PLCZ1: variants seen among roughly 807,000 people sequenced by gnomAD.
PLCZ1 encodes phospholipase C zeta 1.
A neutral mutation model predicts 76.8 loss-of-function variants in PLCZ1; 64 were observed. The observed-to-expected ratio is 0.83, with a 90% CI of 0.68 to 1.03. The LOEUF is 1.03. PLCZ1 is among the 50% of genes least tolerant of loss of function. PLCZ1 has a pLI of 0.00. For synonymous variants in PLCZ1, 248 were observed against 230.8 expected (o/e 1.07, Z -0.68); for missense variants, 751 against 713.7 (o/e 1.05, Z -0.60).
At chr12:18,678,784 A>T (rs1477350066), downstream of PLCZ1, among the ~76,000 whole-genome samples, 1 of 152,048 alleles carries the variant, frequency 6.6e-6, no homozygotes, top group Non-Finnish European at 1.5e-5. Context: ...GGGTTATTAT[A>T]AAAAATCCTT....
the PLCZ1 span, among the ~76,000 whole-genome samples, chr12:18,652,563 A>G: frequency 2.6e-5 from 4 of 152,096 alleles, no homozygotes; most frequent in African/African-American, 7.2e-5. Flanking sequence ...GGTCCTAGCT[A>G]ACTAATATAT....
chr12:18,737,266 A>T, intron 2 of PLCZ1, 95 bp downstream of exon 2: 4 of 1,376,540 alleles, frequency 2.9e-6, no homozygotes, highest in Non-Finnish European at 3.1e-6. Context: ...AAGAGGACTT[A>T]AATTCAGAAC....
chr12:18,731,772 G>A (rs1056480930), intron 3 of PLCZ1, among the ~76,000 whole-genome samples: 1 of 151,848 alleles, frequency 6.6e-6, no homozygotes, highest in African/African-American at 2.4e-5. Context: ...TAGCTTTCTT[G>A]CCTCATTCTC....
At chr12:18,685,106 C>T (rs534662336) in intron 13 of PLCZ1, among the ~76,000 whole-genome samples, 1 of 152,062 alleles carries the variant, frequency 6.6e-6, no homozygotes, top group Admixed American at 6.6e-5. Context: ...TGGACTAATA[C>T]AGTCAGTCTT....
intron 10 of PLCZ1, among the ~76,000 whole-genome samples, chr12:18,696,927 TACA>T (rs1267745644): frequency 3.7e-4 from 57 of 152,286 alleles, no homozygotes; most frequent in African/African-American, 1.3e-3. Flanking sequence ...ATTTGTAGTA[TACA>T]CACAAACAGG....
At chr12:18,730,410 T>C (rs569776481) in intron 3 of PLCZ1, among the ~76,000 whole-genome samples, 1 of 152,252 alleles carries the variant, frequency 6.6e-6, no homozygotes, top group Non-Finnish European at 1.5e-5. Context: ...AGTTTTAAAT[T>C]AGTGGTTCTA....
At chr12:18,663,350 T>G in the PLCZ1 span, among the ~76,000 whole-genome samples, 1 of 152,134 alleles carries the variant, frequency 6.6e-6, no homozygotes, top group Admixed American at 6.6e-5. Flanking sequence ...ACTGTTAGAA[T>G]TAATTAATTT....
At chr12:18,704,001 TA>T (rs1956266123) in intron 7 of PLCZ1, among the ~76,000 whole-genome samples, 2 of 152,204 alleles carry the variant, frequency 1.3e-5, no homozygotes, top group African/African-American at 2.4e-5. Flanking sequence ...AGTTTATTTG[TA>T]ATCTGATAAA....
At chr12:18,724,555 C>T (rs1958639939) in intron 3 of PLCZ1, among the ~76,000 whole-genome samples, 1 of 152,044 alleles carries the variant, frequency 6.6e-6, no homozygotes, top group Non-Finnish European at 1.5e-5. Flanking sequence ...ATGGTGGGAT[C>T]TGTGGTTGTC....
the PLCZ1 span, among the ~76,000 whole-genome samples, chr12:18,661,842 G>A: frequency 6.6e-6 from 1 of 152,036 alleles, no homozygotes. Flanking sequence ...ATTCACAATA[G>A]CAAAGACAAT....
intron 12 of PLCZ1, chr12:18,693,345 T>A (rs1228363356): frequency 6.3e-7 from 1 of 1,582,330 alleles, no homozygotes; most frequent in Non-Finnish European, 8.7e-7. Context: ...TACTGGGGGG[T>A]TGGACAACCA....
chr12:18,714,306 C>T (rs2137449041), intron 5 of PLCZ1, among the ~76,000 whole-genome samples: 1 of 152,250 alleles, frequency 6.6e-6, no homozygotes, highest in East Asian at 1.9e-4. Flanking sequence ...ATGTGCCAAC[C>T]ACAGACAGGG....
chr12:18,669,341 G>A, the PLCZ1 span, among the ~76,000 whole-genome samples: 1 of 152,076 alleles, frequency 6.6e-6, no homozygotes, highest in Non-Finnish European at 1.5e-5. Flanking sequence ...TATGTAGCAG[G>A]CACCACAGTA....
chr12:18,709,104 G>A (rs1332126023), intron 6 of PLCZ1, among the ~76,000 whole-genome samples: 2 of 152,028 alleles, frequency 1.3e-5, no homozygotes, highest in African/African-American at 4.8e-5. Context: ...CAGTGTCTAG[G>A]AGCTTTTCTC....
At chr12:18,710,584 A>G (rs1233232056) in intron 6 of PLCZ1, among the ~76,000 whole-genome samples, 1 of 152,092 alleles carries the variant, frequency 6.6e-6, no homozygotes, top group African/African-American at 2.4e-5. Context: ...ATATGTTGAG[A>G]TGAGATTGCA....
At chr12:18,718,120 G>A (rs1361494023) in intron 5 of PLCZ1, among the ~76,000 whole-genome samples, 1 of 152,098 alleles carries the variant, frequency 6.6e-6, no homozygotes, top group Non-Finnish European at 1.5e-5. Context: ...AAGTAAGCTA[G>A]GTGAAGCTAT....
chr12:18,671,587 G>A, the PLCZ1 span, among the ~76,000 whole-genome samples: 5 of 152,224 alleles, frequency 3.3e-5, no homozygotes, highest in East Asian at 7.7e-4. Context: ...TTTCTCAGGT[G>A]TACTAGGCAC....
chr12:18,682,861 G>A (rs530721305), downstream of PLCZ1, among the ~76,000 whole-genome samples: 31 of 152,126 alleles, frequency 2.0e-4, no homozygotes, highest in South Asian at 5.0e-3. Context: ...GTGTCTAGAA[G>A]TTAAAACACT....
intron 9 of PLCZ1, 50 bp downstream of exon 9, chr12:18,701,451 T>A (rs754812365): frequency 6.2e-7 from 1 of 1,610,554 alleles, no homozygotes; most frequent in Admixed American, 1.7e-5. Context: ...AAGAATAAAA[T>A]TAGAAAACTT....
Sources: allele counts gnomAD v4.1 joint callset (sites outside exome capture counted in the v4.1 genomes callset), GRCh38; gene constraint gnomAD v4.1.1; transcripts MANE v1.5; gene names NCBI Gene and HGNC (gene_info 2026-07-23, HGNC 2026-07-21).